METAP1D: variants seen among roughly 807,000 people sequenced by gnomAD.
The protein encoded by METAP1D is methionine aminopeptidase 1D, mitochondrial.
Under a neutral mutation model 40.5 loss-of-function variants are expected in METAP1D, and 31 were observed. The ratio of observed to expected loss-of-function variants is 0.77; its 90% CI spans 0.58 to 1.03. The LOEUF is 1.03. Ranked by LOEUF, METAP1D falls within the 50% of genes least tolerant of loss-of-function variation. The pLI is 0.00. For synonymous variants in METAP1D, 151 were observed against 146.4 expected, an observed-to-expected ratio of 1.03 and a Z score of -0.22; for missense variants, 411 against 420.7, an observed-to-expected ratio of 0.98 and a Z score of 0.20.
At chr2:172,034,770 A>G (rs1689330653) in intron 1 of METAP1D, among the ~76,000 whole-genome samples, 2 of 152,208 alleles carry the variant, frequency 1.3e-5, no homozygotes, top group Admixed American at 6.5e-5. Context: ...TTCATTTTAA[A>G]AAATTTGCAA....
chr2:172,023,309 T>C (rs748137151), intron 1 of METAP1D, among the ~76,000 whole-genome samples: 2 of 152,240 alleles, frequency 1.3e-5, no homozygotes, highest in Non-Finnish European at 2.9e-5. Context: ...ATTTAAACTG[T>C]TCAGTGACTG....
At chr2:172,048,711 G>A (rs1431983174) in intron 1 of METAP1D, among the ~76,000 whole-genome samples, 1 of 152,136 alleles carries the variant, frequency 6.6e-6, no homozygotes, top group African/African-American at 2.4e-5. Flanking sequence ...TCCAGTAGAA[G>A]CATACTTCAA....
At position 172,003,795 on chromosome 2, in the gene METAP1D, C is replaced by T. The variant is rs62183802; in HGVS notation, c.40+3786C>T. Among the ~76,000 whole-genome samples, 1,479 of 151,932 alleles carry T rather than the reference C, an allele frequency of 9.7e-3. 12 individuals carry two copies. The highest frequency in any genetic ancestry group is 0.016 in the Non-Finnish European group (1,082 of 67,960). ...TTCTTTTTTTTTTGAGACAGAGTCT[C>T]GCCCTGTAGCACAGGGTGAAGTGCA... On this transcript the variant is annotated intron_variant, in intron 1 of 9. Coordinates refer to ENST00000315796, the MANE Select transcript of METAP1D (RefSeq NM_199227.3).
At chr2:172,066,917 G>A (rs1164757452) in intron 5 of METAP1D, among the ~76,000 whole-genome samples, 1 of 152,238 alleles carries the variant, frequency 6.6e-6, no homozygotes, top group East Asian at 1.9e-4. Context: ...AGTAAGCAGA[G>A]TGGTTTTTTT....
chr2:172,027,618 G>T (rs1033681586), intron 1 of METAP1D, among the ~76,000 whole-genome samples: 34 of 152,242 alleles, frequency 2.2e-4, no homozygotes, highest in Non-Finnish European at 4.6e-4. Context: ...ATATGAGTGT[G>T]TATGTGTATT....
rs557758754 is a variant in METAP1D at position 172,068,830 on chromosome 2, ATTCC to A, written c.541-2053_541-2050del. The stretch of plus-strand genomic sequence containing the variant: ...ACCAGTCTCAAATAGTCATTTTGAT[ATTCC>A]TTCCTTCCTTCCTTCCTTCCTTCGT... On this transcript the variant is annotated intron_variant, in intron 5 of 9. Coordinates refer to ENST00000315796, the MANE Select transcript of METAP1D (RefSeq NM_199227.3). 1.1e-3 allele frequency among the ~76,000 whole-genome samples: 166 copies of A among 150,834 alleles called. 3 individuals carry two copies. In the Middle Eastern group the frequency reaches 0.014, roughly 13 times the overall value.
At chr2:172,047,953 A>C (rs1249373984) in intron 1 of METAP1D, among the ~76,000 whole-genome samples, 1 of 152,192 alleles carries the variant, frequency 6.6e-6, no homozygotes, top group Non-Finnish European at 1.5e-5. Flanking sequence ...CTTAGACCTC[A>C]CCATTAACCA....
chr2:172,012,083 G>T (rs1399352602), intron 1 of METAP1D, among the ~76,000 whole-genome samples: 3 of 152,148 alleles, frequency 2.0e-5, no homozygotes, highest in African/African-American at 7.2e-5. Flanking sequence ...TCAGCATTGT[G>T]ATCATTCTGG....
At chr2:172,065,136 A>G (rs1690221197) in intron 3 of METAP1D, among the ~76,000 whole-genome samples, 4 of 152,210 alleles carry the variant, frequency 2.6e-5, no homozygotes, top group Admixed American at 1.3e-4. Flanking sequence ...CCATTGCTGC[A>G]AAACCCCTGT....
chr2:172,057,242 C>G (rs908893758), intron 1 of METAP1D, among the ~76,000 whole-genome samples: 1 of 152,192 alleles, frequency 6.6e-6, no homozygotes, highest in Admixed American at 6.5e-5. Flanking sequence ...GAGCACCTAG[C>G]ACTGAGCTTA....
intron 1 of METAP1D, among the ~76,000 whole-genome samples, chr2:172,034,408 TG>T (rs1205639971): frequency 5.8e-4 from 57 of 97,816 alleles, no homozygotes; most frequent in African/African-American, 1.9e-3. Flanking sequence ...TCAGTTTTTG[TG>T]TGTGTGTGTG....
Position 172,081,700 on chromosome 2 carries a change from A to G in METAP1D, c.*1294A>G, listed in dbSNP as rs1304294828. The G allele has an allele frequency of 6.6e-6, 1 of 152,268 alleles. No homozygotes were observed. Among genetic ancestry groups the G allele is most frequent in the Non-Finnish European group, 1.5e-5 (1 of 68,052 alleles). The allele number at this position is 152,268 out of a possible 1,614,324, so 9.4% of individuals were successfully genotyped here. ...TCCAACGAGGGTGTTCAAGCAGTTA[A>G]TGGTTGTGCTAACTCTTGTTTCTAC... On this transcript the variant is annotated 3_prime_UTR_variant, in exon 10 of 10. Transcript: ENST00000315796.
chr2:172,005,225 T>A (rs1688551017), intron 1 of METAP1D, among the ~76,000 whole-genome samples: 1 of 152,082 alleles, frequency 6.6e-6, no homozygotes, highest in Non-Finnish European at 1.5e-5. Context: ...GGATGAATAC[T>A]TTAGAAGTGA....
At chr2:172,063,638 G>C in intron 2 of METAP1D, 73 bp from the exon 3 acceptor site, 2 of 1,137,452 alleles carry the variant, frequency 1.8e-6, no homozygotes, top group East Asian at 2.5e-5. Flanking sequence ...GAAGCAGGAG[G>C]CTGTGTCTGA....
chr2:172,024,049 T>C (rs978511665), intron 1 of METAP1D, among the ~76,000 whole-genome samples: 3 of 151,898 alleles, frequency 2.0e-5, no homozygotes, highest in Non-Finnish European at 2.9e-5. Context: ...TTAGTAGAGA[T>C]GGGGTTTCAC....
At chr2:172,017,044 C>T (rs1039230060) in intron 1 of METAP1D, among the ~76,000 whole-genome samples, 4 of 152,074 alleles carry the variant, frequency 2.6e-5, no homozygotes, top group African/African-American at 4.8e-5. Flanking sequence ...TTCTTTGTAA[C>T]GTATATCACA....
intron 5 of METAP1D, among the ~76,000 whole-genome samples, chr2:172,067,772 C>T (rs1690319592): frequency 6.6e-6 from 1 of 152,166 alleles, no homozygotes; most frequent in Admixed American, 6.5e-5. Flanking sequence ...TTGTATTTAA[C>T]ATTCAAATTA....
intron 1 of METAP1D, among the ~76,000 whole-genome samples, chr2:172,006,114 A>G (rs2105371769): frequency 6.6e-6 from 1 of 152,322 alleles, no homozygotes; most frequent in African/African-American, 2.4e-5. Context: ...GTATATGTGT[A>G]TACATGTGTC....
At chr2:172,018,105 T>C (rs12622259) in intron 1 of METAP1D, among the ~76,000 whole-genome samples, 125,114 of 138,410 alleles carry the variant, frequency 0.9, 57,016 homozygotes, top group Middle Eastern at 0.95. Context: ...CCAGCCTGGG[T>C]GACAGAGTGA....
Sources: allele counts gnomAD v4.1 joint callset (sites outside exome capture counted in the v4.1 genomes callset), GRCh38; gene constraint gnomAD v4.1.1; transcripts MANE v1.5; gene names NCBI Gene and HGNC (gene_info 2026-07-23, HGNC 2026-07-21).